Variants in MCC observed in about 807,000 individuals in gnomAD.
MCC encodes colorectal mutant cancer protein.
MCC carries 90 observed loss-of-function variants against 116.2 expected under a neutral mutation model. The ratio of observed to expected loss-of-function variants is 0.77; its 90% CI spans 0.65 to 0.92. MCC has a LOEUF of 0.92. Among genes scored for constraint, MCC ranks in the 40% least tolerant of loss-of-function variants. MCC has a pLI of 0.00. For missense variants in MCC, 1,516 were observed against 1,312.2 expected (o/e 1.16, Z -2.40); for synonymous variants, 578 against 510.5 (o/e 1.13, Z -1.78).
chr5:113,094,670 T>C (rs1755896066), intron 8 of MCC, among the ~76,000 whole-genome samples: 1 of 152,162 alleles, frequency 6.6e-6, no homozygotes, highest in South Asian at 2.1e-4. Context: ...CCCACCCGCC[T>C]CAGCCTCCCA....
chr5:113,182,112 T>C (rs1408058726), intron 3 of MCC, among the ~76,000 whole-genome samples: 12 of 152,224 alleles, frequency 7.9e-5, no homozygotes, highest in Non-Finnish European at 4.4e-5. Context: ...ACCAGAGTTG[T>C]TCCTTACCTG....
chr5:113,230,662 C>T (rs1381694868), intron 3 of MCC, among the ~76,000 whole-genome samples: 3 of 152,178 alleles, frequency 2.0e-5, no homozygotes, highest in Non-Finnish European at 4.4e-5. Context: ...AAAAGGTTTA[C>T]TCTTCCTATA....
At chr5:113,473,198 CTCTT>C (rs1772140688) in intron 1 of MCC, among the ~76,000 whole-genome samples, 1 of 152,056 alleles carries the variant, frequency 6.6e-6, no homozygotes, top group African/African-American at 2.4e-5. Flanking sequence ...ATTTAAGAAT[CTCTT>C]TCTAACTTTT....
chr5:113,165,172 G>A (rs1180675032), intron 3 of MCC, among the ~76,000 whole-genome samples: 1 of 152,206 alleles, frequency 6.6e-6, no homozygotes, highest in African/African-American at 2.4e-5. Context: ...GTCAACCACA[G>A]ACCAGAATGA....
Position 113,327,630 on chromosome 5 carries a change from C to T in MCC, c.627+12889G>A, listed in dbSNP as rs1349509327. On this transcript the variant is annotated intron_variant, in intron 3 of 18. Coordinates refer to ENST00000408903, the MANE Select transcript of MCC (RefSeq NM_001085377.2). The stretch of plus-strand genomic sequence containing the variant: ...TACTCTTTCCTTACTAAGATATTGC[C>T]TACCAATTCTTTTGTGATCATAGAT... Among the ~76,000 whole-genome samples, 5 of 143,648 alleles carry T rather than the reference C, an allele frequency of 3.5e-5. No individual in the cohort carries two copies. The East Asian group carries it at 1.0e-3, about 29-fold the overall frequency. 94.2% of individuals were successfully genotyped at this position (143,648 alleles called of 152,430 possible).
At chr5:113,333,810 T>TAC (rs778710246) in intron 3 of MCC, among the ~76,000 whole-genome samples, 1,939 of 69,706 alleles carry the variant, frequency 0.028, 140 homozygotes, top group South Asian at 0.042. Context: ...TGTATATATG[T>TAC]ATATATGTAC....
chr5:113,182,568 C>T (rs192983482), intron 3 of MCC, among the ~76,000 whole-genome samples: 1 of 152,172 alleles, frequency 6.6e-6, no homozygotes, highest in East Asian at 1.9e-4. Context: ...TGCACTCTAG[C>T]CTGACAACAG....
chr5:113,236,651 G>T (rs1477105690), intron 3 of MCC, among the ~76,000 whole-genome samples: 1 of 152,134 alleles, frequency 6.6e-6, no homozygotes, highest in African/African-American at 2.4e-5. Context: ...CGTTGCCAAC[G>T]ATTAATATTA....
At chr5:113,076,993 C>A (rs1754502412) in intron 11 of MCC, among the ~76,000 whole-genome samples, 1 of 152,132 alleles carries the variant, frequency 6.6e-6, no homozygotes, top group African/African-American at 2.4e-5. Context: ...CAAAAAGAAG[C>A]AGGGGTTGCA....
chr5:113,156,090 G>A (rs1351880904), intron 3 of MCC, among the ~76,000 whole-genome samples: 1 of 152,164 alleles, frequency 6.6e-6, no homozygotes, highest in East Asian at 1.9e-4. Flanking sequence ...GGAGCAGAAA[G>A]GTGCCTCAGT....
intron 3 of MCC, among the ~76,000 whole-genome samples, chr5:113,315,360 C>G (rs1767252559): frequency 6.6e-6 from 1 of 152,076 alleles, no homozygotes; most frequent in African/African-American, 2.4e-5. Context: ...AGTTATGTAT[C>G]TAGTGGGTGC....
chr5:113,085,378 G>A, intron 8 of MCC, 68 bp from the exon 9 acceptor site: 4 of 1,482,742 alleles, frequency 2.7e-6, no homozygotes, highest in Non-Finnish European at 3.7e-6. Context: ...AGCCAGATGG[G>A]TAGGTGGTGG....
At chr5:113,411,410 G>C (rs917548075) in intron 1 of MCC, among the ~76,000 whole-genome samples, 2 of 152,104 alleles carry the variant, frequency 1.3e-5, no homozygotes, top group Non-Finnish European at 2.9e-5. Context: ...GTCTTCTTTT[G>C]AGAAGTGTCT....
intron 4 of MCC, among the ~76,000 whole-genome samples, chr5:113,150,026 A>G (rs1220723591): frequency 1.3e-5 from 2 of 152,212 alleles, no homozygotes; most frequent in Non-Finnish European, 2.9e-5. Context: ...AGATTTGAAG[A>G]GGCTAACCTA....
chr5:113,147,317 CA>C (rs1340103187), intron 4 of MCC, among the ~76,000 whole-genome samples: 1 of 152,174 alleles, frequency 6.6e-6, no homozygotes, highest in Non-Finnish European at 1.5e-5. Context: ...AGCCTTGAGA[CA>C]GTCTGGCCTG....
intron 1 of MCC, among the ~76,000 whole-genome samples, chr5:113,444,061 T>C (rs1771134080): frequency 6.6e-6 from 1 of 151,714 alleles, no homozygotes; most frequent in Non-Finnish European, 1.5e-5. Context: ...GCCAGGCTGT[T>C]CTCGAACTCC....
chr5:113,372,217 G>A (rs891370677), intron 2 of MCC, among the ~76,000 whole-genome samples: 2 of 152,166 alleles, frequency 1.3e-5, no homozygotes, highest in African/African-American at 4.8e-5. Flanking sequence ...CTTGGTTTAT[G>A]CTGACTAAAA....
chr5:113,035,320 G>A (rs181547525), intron 17 of MCC, among the ~76,000 whole-genome samples: 1 of 152,132 alleles, frequency 6.6e-6, no homozygotes, highest in Non-Finnish European at 1.5e-5. Flanking sequence ...TCCTGCCATT[G>A]TCACCACACC....
intron 3 of MCC, among the ~76,000 whole-genome samples, chr5:113,176,973 G>C (rs1262033636): frequency 6.6e-6 from 1 of 152,184 alleles, no homozygotes; most frequent in Non-Finnish European, 1.5e-5. Flanking sequence ...TAGACACTCT[G>C]AGGTGCATGT....
Sources: allele counts gnomAD v4.1 joint callset (sites outside exome capture counted in the v4.1 genomes callset), GRCh38; gene constraint gnomAD v4.1.1; transcripts MANE v1.5; gene names NCBI Gene and HGNC (gene_info 2026-07-23, HGNC 2026-07-21).